KANK1: variants seen among roughly 807,000 people sequenced by gnomAD.
KANK1 encodes KN motif and ankyrin repeat domain-containing protein 1.
KANK1 carries 109 observed loss-of-function variants against 106.2 expected under a neutral mutation model. The ratio of observed to expected loss-of-function variants is 1.03; its 90% CI spans 0.88 to 1.20. KANK1 has a LOEUF of 1.20. Among genes scored for constraint, KANK1 ranks in the 50% most tolerant of loss-of-function variants. The probability of loss-of-function intolerance (pLI) is 0.00; values close to 1 mark genes in which losing one functional copy is unlikely to be tolerated. For synonymous variants in KANK1, 873 were observed against 652.2 expected, an observed-to-expected ratio of 1.34 and a Z score of -5.16; for missense variants, 2,399 against 1,710.7, an observed-to-expected ratio of 1.40 and a Z score of -7.10.
chr9:698,391 C>T (rs1303548608), intron 2 of KANK1, among the ~76,000 whole-genome samples: 3 of 152,170 alleles, frequency 2.0e-5, no homozygotes, highest in Admixed American at 1.3e-4. Context: ...CCGTCCTTCC[C>T]AGGTTAGATT....
At chr9:664,258 G>A (rs757783152) in intron 1 of KANK1, among the ~76,000 whole-genome samples, 1 of 152,006 alleles carries the variant, frequency 6.6e-6, no homozygotes, top group Non-Finnish European at 1.5e-5. Context: ...GTAACCACTA[G>A]TCTACTCTCT....
intron 1 of KANK1, among the ~76,000 whole-genome samples, chr9:507,637 A>G (rs1273279881): frequency 6.7e-6 from 1 of 149,588 alleles, no homozygotes; most frequent in African/African-American, 2.5e-5. Context: ...GCTCACTGCA[A>G]CCTCCGCCTC....
At chr9:627,094 A>G (rs866435221) in intron 1 of KANK1, among the ~76,000 whole-genome samples, 8 of 152,322 alleles carry the variant, frequency 5.3e-5, no homozygotes, top group African/African-American at 9.6e-5. Flanking sequence ...AATGAACAGC[A>G]CAGAATTCCT....
At chr9:629,490 C>T (rs1166559086) in intron 1 of KANK1, among the ~76,000 whole-genome samples, 3 of 152,166 alleles carry the variant, frequency 2.0e-5, no homozygotes, top group Non-Finnish European at 4.4e-5. Flanking sequence ...TGCTCAGATA[C>T]ATTATTAGGA....
chr9:483,068 G>A (rs767775594), intron 3 of KANK1, among the ~76,000 whole-genome samples: 2 of 151,984 alleles, frequency 1.3e-5, no homozygotes, highest in Non-Finnish European at 2.9e-5. Flanking sequence ...ACTTAATAAT[G>A]GCCCAAAGAG....
At chr9:707,047 G>A (rs916289385) in intron 2 of KANK1, 268 of 985,344 alleles carry the variant, frequency 2.7e-4, no homozygotes, top group Non-Finnish European at 3.1e-4. Flanking sequence ...CGGCGGGGGT[G>A]GTGTCACTGC....
rs1201296110 is a variant in KANK1, at chr9:712,303, A to G, written c.1537A>G (p.Ser513Gly). ...CACGATGGCCCAGCCGCTTGTTTTC[A>G]GTAAGGTGGTGGAGGCAGTGGTGCA... ...KATMAQPLVFSKVVEAVVQTR... is the reference protein window; with the variant it reads ...KATMAQPLVFGKVVEAVVQTR... Residue 513 changes from serine to glycine, a missense_variant, in exon 3 of 12, where the codon AGT becomes GGT. By Grantham distance (56) the Ser-to-Gly change is moderately conservative (BLOSUM62 0). Transcript: ENST00000382297. 2.5e-6 allele frequency: 4 copies of G among 1,614,226 alleles called. No homozygotes were observed. The Admixed American group carries it at 5.0e-5, about 20-fold the overall frequency.
chr9:681,212 C>G (rs1469172591), intron 2 of KANK1, among the ~76,000 whole-genome samples: 2 of 152,096 alleles, frequency 1.3e-5, no homozygotes, highest in African/African-American at 4.8e-5. Flanking sequence ...GAGCCAGACC[C>G]TATCTCTAAA....
intron 1 of KANK1, among the ~76,000 whole-genome samples, chr9:664,644 C>T (rs1386320205): frequency 6.6e-6 from 1 of 152,144 alleles, no homozygotes; most frequent in African/African-American, 2.4e-5. Context: ...CATGCAAGTA[C>T]AGATCTCTCT....
intron 1 of KANK1, among the ~76,000 whole-genome samples, chr9:551,037 G>C (rs1389709434): frequency 6.6e-6 from 1 of 151,934 alleles, no homozygotes; most frequent in Non-Finnish European, 1.5e-5. Flanking sequence ...ATGGGTCAGG[G>C]AGGAAAGCCA....
intron 1 of KANK1, among the ~76,000 whole-genome samples, chr9:620,055 T>G (rs1191404440): frequency 6.6e-6 from 1 of 152,024 alleles, no homozygotes; most frequent in African/African-American, 2.4e-5. Context: ...GAGAATCGCT[T>G]GAACCTCGGA....
intron 2 of KANK1, among the ~76,000 whole-genome samples, chr9:700,230 T>C (rs1316809145): frequency 3.9e-5 from 6 of 152,194 alleles, no homozygotes; most frequent in Non-Finnish European, 5.9e-5. Flanking sequence ...TCATCTGTTA[T>C]ACATTTCCTT....
At chr9:556,229 A>G (rs984155683) in intron 1 of KANK1, among the ~76,000 whole-genome samples, 3 of 152,224 alleles carry the variant, frequency 2.0e-5, no homozygotes, top group African/African-American at 7.2e-5. Flanking sequence ...AAGTATTAGA[A>G]TTTATCTTGG....
intron 1 of KANK1, among the ~76,000 whole-genome samples, chr9:579,905 C>T (rs537202379): frequency 4.8e-4 from 73 of 152,140 alleles, no homozygotes; most frequent in Non-Finnish European, 9.1e-4. Context: ...GCTGAATTTT[C>T]TAATATGACT....
At chr9:683,684 C>T (rs986383038) in intron 2 of KANK1, among the ~76,000 whole-genome samples, 1 of 152,182 alleles carries the variant, frequency 6.6e-6, no homozygotes, top group Non-Finnish European at 1.5e-5. Flanking sequence ...AATAAAACGT[C>T]CTCCCTGATA....
At chr9:731,488 G>A in intron 5 of KANK1, 1 of 392,836 alleles carries the variant, frequency 2.5e-6, no homozygotes, top group East Asian at 4.7e-5. Flanking sequence ...AAGCTGAGCG[G>A]TTTACATCTC....
At chr9:497,576 C>A (rs1046210426) in intron 3 of KANK1, among the ~76,000 whole-genome samples, 1 of 152,118 alleles carries the variant, frequency 6.6e-6, no homozygotes, top group Admixed American at 6.5e-5. Flanking sequence ...AGTATATAAC[C>A]ATTTTTTTAA....
intron 1 of KANK1, among the ~76,000 whole-genome samples, chr9:608,620 C>G (rs1402643733): frequency 6.7e-6 from 1 of 149,146 alleles, no homozygotes; most frequent in Admixed American, 6.6e-5. Flanking sequence ...ATGCCATCAT[C>G]AGGACATCAT....
chr9:643,010 C>G (rs1040147738), intron 1 of KANK1, among the ~76,000 whole-genome samples: 1 of 150,206 alleles, frequency 6.7e-6, no homozygotes, highest in Admixed American at 6.6e-5. Context: ...TATGGTGGCA[C>G]CTTTTAATAA....
Sources: allele counts gnomAD v4.1 joint callset (sites outside exome capture counted in the v4.1 genomes callset), GRCh38; gene constraint gnomAD v4.1.1; transcripts MANE v1.5; gene names NCBI Gene and HGNC (gene_info 2026-07-23, HGNC 2026-07-21).